Variants in UQCC1 observed in about 807,000 individuals in gnomAD.
UQCC1 encodes the protein bFGF-repressed Zic-binding protein.
A neutral mutation model predicts 48.0 loss-of-function variants in UQCC1; 38 were observed. The ratio of observed to expected loss-of-function variants is 0.79; its 90% confidence interval spans 0.61 to 1.04. The LOEUF (loss-of-function observed/expected upper bound fraction) is 1.04, where lower values mean the gene tolerates loss of function less well. Ranked by LOEUF, UQCC1 falls within the 50% of genes least tolerant of loss-of-function variation. The pLI, the probability that UQCC1 is intolerant of heterozygous loss-of-function variation, is 0.00. For synonymous variants in UQCC1, 111 were observed against 129.2 expected (o/e 0.86, Z 0.95); for missense variants, 368 against 381.8 (o/e 0.96, Z 0.30).
intron 7 of UQCC1, among the ~76,000 whole-genome samples, chr20:35,331,306 C>A (rs2061254293): frequency 6.6e-6 from 1 of 151,778 alleles, no homozygotes; most frequent in Admixed American, 6.6e-5. Flanking sequence ...ATCAAAATTT[C>A]TCTCCTGGGA....
chr20:35,407,977 A>G (rs6142377), intron 1 of UQCC1, among the ~76,000 whole-genome samples: 84,557 of 152,122 alleles, frequency 0.56, 24,196 homozygotes, highest in Admixed American at 0.66. Flanking sequence ...AGCCGAGATC[A>G]TGCCATTGCA....
At chr20:35,307,739 C>T (rs1568644870) in intron 8 of UQCC1, among the ~76,000 whole-genome samples, 1 of 152,336 alleles carries the variant, frequency 6.6e-6, no homozygotes, top group Non-Finnish European at 1.5e-5. Context: ...TTCTTCAAAA[C>T]AGATGAAGTT....
intron 2 of UQCC1, among the ~76,000 whole-genome samples, chr20:35,384,889 C>T (rs764284612): frequency 7.1e-6 from 1 of 141,302 alleles, no homozygotes; most frequent in Non-Finnish European, 1.5e-5. Flanking sequence ...ATAGCTTGAA[C>T]TGAGGAGGCA....
At chr20:35,319,708 G>C (rs373277062) in intron 7 of UQCC1, among the ~76,000 whole-genome samples, 1 of 152,162 alleles carries the variant, frequency 6.6e-6, no homozygotes, top group African/African-American at 2.4e-5. Flanking sequence ...TAATGAATGA[G>C]ACAACCAACA....
chr20:35,313,655 C>T (rs1265673382), intron 8 of UQCC1, among the ~76,000 whole-genome samples: 2 of 152,104 alleles, frequency 1.3e-5, no homozygotes, highest in Non-Finnish European at 2.9e-5. Flanking sequence ...ATTCTGTTGC[C>T]CAGGCTGGAG....
chr20:35,312,018 G>C (rs1353820324), intron 8 of UQCC1, among the ~76,000 whole-genome samples: 1 of 152,128 alleles, frequency 6.6e-6, no homozygotes, highest in Non-Finnish European at 1.5e-5. Flanking sequence ...GGACTGGATG[G>C]GGGACCGGAA....
chr20:35,332,143 G>T (rs533297663), intron 7 of UQCC1, among the ~76,000 whole-genome samples: 7 of 152,314 alleles, frequency 4.6e-5, no homozygotes, highest in African/African-American at 1.7e-4. Flanking sequence ...AGCACTGAAT[G>T]CCACACTTTA....
intron 7 of UQCC1, among the ~76,000 whole-genome samples, chr20:35,342,301 G>A (rs1322334979): frequency 1.3e-5 from 2 of 152,232 alleles, no homozygotes; most frequent in East Asian, 1.9e-4. Flanking sequence ...GGAGATGTCT[G>A]GCAGGGCAGA....
intron 6 of UQCC1, among the ~76,000 whole-genome samples, chr20:35,359,931 G>A (rs1188559164): frequency 2.6e-5 from 4 of 152,076 alleles, no homozygotes; most frequent in Non-Finnish European, 5.9e-5. Context: ...AACCCTTCTG[G>A]GGGGAGCATG....
chr20:35,401,202 T>C (rs1028547828), intron 1 of UQCC1, among the ~76,000 whole-genome samples: 1 of 152,188 alleles, frequency 6.6e-6, no homozygotes, highest in African/African-American at 2.4e-5. Flanking sequence ...TTAATATACA[T>C]TGTTGATTCA....
intron 6 of UQCC1, 110 bp from the exon 7 acceptor site, chr20:35,347,382 CA>C: frequency 1.5e-6 from 2 of 1,321,630 alleles, no homozygotes; most frequent in South Asian, 2.6e-5. Flanking sequence ...GGCACCAAAT[CA>C]AACTGGAAGT....
At chr20:35,344,441 C>A (rs896849340) in intron 7 of UQCC1, 1 of 152,238 alleles carries the variant, frequency 6.6e-6, no homozygotes, top group Non-Finnish European at 1.5e-5. Context: ...CAACTTCCAA[C>A]AGAGTTTAGT....
At chr20:35,383,938 T>A in intron 3 of UQCC1, 100 bp downstream of exon 3, 1 of 965,980 alleles carries the variant, frequency 1.0e-6, no homozygotes, top group Non-Finnish European at 1.6e-6. Flanking sequence ...CCTCACCTTC[T>A]GCATTCGCTA....
intron 1 of UQCC1, among the ~76,000 whole-genome samples, chr20:35,401,302 T>A (rs1442199672): frequency 6.6e-6 from 1 of 152,222 alleles, no homozygotes; most frequent in African/African-American, 2.4e-5. Flanking sequence ...CATTGTGGCC[T>A]TCTCGCACTC....
intron 6 of UQCC1, among the ~76,000 whole-genome samples, chr20:35,358,068 T>C (rs1034631088): frequency 2.6e-5 from 4 of 151,972 alleles, no homozygotes; most frequent in African/African-American, 9.7e-5. Flanking sequence ...CCCTTAAGAA[T>C]GCAGGCTGGG....
chr20:35,391,023 C>T (rs1029329953), intron 2 of UQCC1, among the ~76,000 whole-genome samples: 3 of 152,076 alleles, frequency 2.0e-5, no homozygotes, highest in East Asian at 3.9e-4. Context: ...TGGCAAAACC[C>T]CTTCTCTACT....
At chr20:35,329,614 T>A (rs892057130) in intron 7 of UQCC1, among the ~76,000 whole-genome samples, 1 of 152,202 alleles carries the variant, frequency 6.6e-6, no homozygotes, top group Non-Finnish European at 1.5e-5. Flanking sequence ...GAAATACTCA[T>A]GGCACACCCA....
intron 7 of UQCC1, among the ~76,000 whole-genome samples, chr20:35,334,819 C>T (rs1323669711): frequency 6.6e-6 from 1 of 152,176 alleles, no homozygotes; most frequent in Non-Finnish European, 1.5e-5. Flanking sequence ...AACACAAGCT[C>T]TGGGACTTAA....
intron 7 of UQCC1, among the ~76,000 whole-genome samples, chr20:35,318,780 C>T (rs931349755): frequency 3.9e-5 from 6 of 152,210 alleles, no homozygotes; most frequent in Non-Finnish European, 7.3e-5. Flanking sequence ...CCTCAACTAC[C>T]GGACTCACTC....
Sources: allele counts gnomAD v4.1 joint callset (sites outside exome capture counted in the v4.1 genomes callset), GRCh38; gene constraint gnomAD v4.1.1; transcripts MANE v1.5; gene names NCBI Gene and HGNC (gene_info 2026-07-23, HGNC 2026-07-21).